PTPRD: variants seen among roughly 807,000 people sequenced by gnomAD.
The protein encoded by PTPRD is protein tyrosine phosphatase receptor type D.
In PTPRD, 34 loss-of-function variants were observed where a neutral mutation model predicts 214.5. The ratio of observed to expected loss-of-function variants is 0.16; its 90% CI spans 0.12 to 0.21. PTPRD has a LOEUF of 0.21. Ranked by LOEUF, PTPRD falls within the 10% of genes least tolerant of loss-of-function variation. PTPRD has a pLI of 1.00. For synonymous variants in PTPRD, 1,128 were observed against 845.7 expected (o/e 1.33, Z -5.79); for missense variants, 2,545 against 2,398.7 (o/e 1.06, Z -1.27).
chr9:10,067,075 G>T (rs2154175575), intron 3 of PTPRD, among the ~76,000 whole-genome samples: 1 of 152,006 alleles, frequency 6.6e-6, no homozygotes, highest in East Asian at 1.9e-4. Flanking sequence ...TGATGTTGGT[G>T]GCACTATTCT....
At chr9:9,622,523 A>T (rs965445948) in intron 7 of PTPRD, among the ~76,000 whole-genome samples, 1 of 152,202 alleles carries the variant, frequency 6.6e-6, no homozygotes, top group Non-Finnish European at 1.5e-5. Context: ...TTGTCCACAA[A>T]ATCTCATACT....
chr9:8,932,144 G>C (rs535891486), intron 11 of PTPRD, among the ~76,000 whole-genome samples: 13 of 152,114 alleles, frequency 8.5e-5, no homozygotes, highest in Non-Finnish European at 1.6e-4. Flanking sequence ...AGGGTTTTTC[G>C]TGTCTGTATC....
At chr9:8,467,095 C>G (rs529261549) in intron 31 of PTPRD, among the ~76,000 whole-genome samples, 1 of 151,566 alleles carries the variant, frequency 6.6e-6, no homozygotes, top group Non-Finnish European at 1.5e-5. Flanking sequence ...AAATTTTGGC[C>G]GACATTATTT....
intron 11 of PTPRD, among the ~76,000 whole-genome samples, chr9:8,795,531 TCA>T (rs2096388534): frequency 6.6e-6 from 1 of 152,192 alleles, no homozygotes; most frequent in Non-Finnish European, 1.5e-5. Context: ...AGAATTAATT[TCA>T]CACATTGGAT....
intron 11 of PTPRD, among the ~76,000 whole-genome samples, chr9:8,790,434 T>A (rs1044960284): frequency 6.6e-6 from 1 of 152,144 alleles, no homozygotes; most frequent in Non-Finnish European, 1.5e-5. Context: ...TTTTGTGTTT[T>A]TGAGATGGAG....
intron 3 of PTPRD, among the ~76,000 whole-genome samples, chr9:10,324,211 G>A (rs1317380814): frequency 6.6e-6 from 1 of 152,004 alleles, no homozygotes; most frequent in Non-Finnish European, 1.5e-5. Context: ...TGATCAATAT[G>A]CAACCCCTTA....
intron 11 of PTPRD, chr9:8,861,455 ACTT>A (rs1230787891): frequency 6.6e-6 from 1 of 151,864 alleles, no homozygotes; most frequent in Non-Finnish European, 1.5e-5. Context: ...TTTTTGCAAA[ACTT>A]CCTTTTTGAT....
At chr9:9,318,864 T>C (rs528368205) in intron 9 of PTPRD, among the ~76,000 whole-genome samples, 2 of 152,292 alleles carry the variant, frequency 1.3e-5, no homozygotes, top group Non-Finnish European at 2.9e-5. Flanking sequence ...GTGGATAAAC[T>C]CTCTGCTCTT....
At position 10,492,383 on chromosome 9, in the gene PTPRD, T is replaced by G. The variant is rs2040595124; in HGVS notation, c.-600+120015A>C. 3.9e-5 allele frequency among the ~76,000 whole-genome samples: 6 copies of G among 152,276 alleles called. 1 individual carries two copies. The highest frequency in any genetic ancestry group is 3.9e-4 in the Admixed American group (6 of 15,278). On this transcript the variant is annotated intron_variant, in intron 2 of 45. Coordinates refer to ENST00000381196, the MANE Select transcript of PTPRD (RefSeq NM_002839.4). ...ATCCCCTCCAGCATCTGTTGTTTCCTGACTTTTTAATGATTGCCATTCTAG... is the reference window on the plus strand; with the variant it reads ...ATCCCCTCCAGCATCTGTTGTTTCCGGACTTTTTAATGATTGCCATTCTAG...
chr9:9,050,049 C>T (rs1433697378), intron 10 of PTPRD, among the ~76,000 whole-genome samples: 1 of 152,184 alleles, frequency 6.6e-6, no homozygotes, highest in Non-Finnish European at 1.5e-5. Context: ...TGCCCTAGCT[C>T]CATTACTTAT....
Position 8,711,339 on chromosome 9 carries a change from T to C in PTPRD, c.64+22441A>G, listed in dbSNP as rs562623447. On this transcript the variant is annotated intron_variant, in intron 12 of 45. Transcript: ENST00000381196. ...ATTATTAAAATATTCTTGAGGGATA[T>C]AATTGGCATATTATAAATATATTTC... 5.9e-5 allele frequency among the ~76,000 whole-genome samples: 9 copies of C among 152,234 alleles called. No individual in the cohort carries two copies. In the South Asian group the frequency reaches 1.2e-3, roughly 21 times the overall value.
intron 3 of PTPRD, among the ~76,000 whole-genome samples, chr9:10,265,382 C>T (rs1217514796): frequency 1.3e-5 from 2 of 152,162 alleles, no homozygotes; most frequent in Non-Finnish European, 2.9e-5. Context: ...GACAAACAAA[C>T]TTGGCCCACC....
intron 10 of PTPRD, among the ~76,000 whole-genome samples, chr9:9,096,880 G>C (rs1210273795): frequency 6.6e-6 from 1 of 152,194 alleles, no homozygotes; most frequent in Non-Finnish European, 1.5e-5. Flanking sequence ...GATGATATCT[G>C]AGGTACACTT....
In PTPRD at chr9:10,004,600, G is replaced by A. The variant is rs529732414; in HGVS notation, c.-472+29118C>T. Among the ~76,000 whole-genome samples the A allele has an allele frequency of 2.0e-5, 3 of 151,726 alleles. No homozygotes were observed. In the East Asian group the frequency reaches 5.8e-4, roughly 29 times the overall value. On this transcript the variant is annotated intron_variant, in intron 4 of 45. Coordinates refer to ENST00000381196, the MANE Select transcript of PTPRD (RefSeq NM_002839.4). ...TTAAATAATTTTAAGGTGCCATTTA[G>A]CTCTCTGATAAGTTTTACATTTTAA...
intron 39 of PTPRD, among the ~76,000 whole-genome samples, chr9:8,352,344 C>G (rs2075747084): frequency 6.6e-6 from 1 of 152,268 alleles, no homozygotes; most frequent in Non-Finnish European, 1.5e-5. Context: ...TGGTAGTTGA[C>G]TTGAATCTGA....
chr9:9,674,933 A>T (rs574650738), intron 7 of PTPRD, among the ~76,000 whole-genome samples: 1 of 151,912 alleles, frequency 6.6e-6, no homozygotes, highest in South Asian at 2.1e-4. Context: ...GACAAAAAAA[A>T]GTAGTTTAAG....
At chr9:8,626,727 T>C (rs2096054671) in intron 14 of PTPRD, among the ~76,000 whole-genome samples, 2 of 151,642 alleles carry the variant, frequency 1.3e-5, no homozygotes, top group South Asian at 4.2e-4. Context: ...ACATCAGCTT[T>C]TTCATGCCTT....
intron 11 of PTPRD, among the ~76,000 whole-genome samples, chr9:8,782,190 A>C (rs1273105060): frequency 1.3e-5 from 2 of 149,728 alleles, no homozygotes; most frequent in Admixed American, 6.6e-5. Flanking sequence ...GCATATGTGT[A>C]CATATACAAA....
At chr9:10,602,212 G>T (rs1449924614) in intron 2 of PTPRD, among the ~76,000 whole-genome samples, 1 of 151,764 alleles carries the variant, frequency 6.6e-6, no homozygotes, top group African/African-American at 2.4e-5. Flanking sequence ...CATAAGAAGT[G>T]TCGATCCAAT....
Sources: gnomAD v4.1 joint callset for allele counts (sites outside exome capture counted in the v4.1 genomes callset) on GRCh38, gnomAD v4.1.1 for gene constraint, MANE v1.5 for transcripts, NCBI Gene and HGNC (gene_info 2026-07-23, HGNC 2026-07-21) for gene names.